Variants in GON4L observed in about 807,000 individuals in gnomAD.
The protein encoded by GON4L is gon-4 like, also known as GON-4-like protein.
Under a neutral mutation model 211.8 loss-of-function variants are expected in GON4L, and 87 were observed. The observed-to-expected ratio is 0.41, with a 90% CI of 0.35 to 0.49. GON4L has a LOEUF of 0.49. Among genes scored for constraint, GON4L ranks in the 20% least tolerant of loss-of-function variants. The pLI is 0.15. For missense variants in GON4L, 2,155 were observed against 2,659.5 expected, an observed-to-expected ratio of 0.81 and a Z score of 4.17; for synonymous variants, 875 against 962.6, an observed-to-expected ratio of 0.91 and a Z score of 1.68.
At chr1:155,775,914 A>G (rs889821824) in intron 16 of GON4L, among the ~76,000 whole-genome samples, 2 of 152,062 alleles carry the variant, frequency 1.3e-5, no homozygotes, top group African/African-American at 4.8e-5. Context: ...CCTCCCAAGT[A>G]GCTGAGACTA....
At chr1:155,831,691 A>G (rs887525841) in intron 2 of GON4L, 2 of 150,692 alleles carry the variant, frequency 1.3e-5, no homozygotes, top group Admixed American at 1.3e-4. Flanking sequence ...TGTCTGCAAA[A>G]AGTCAAAAAA....
chr1:155,768,776 C>T (rs1662845788), intron 19 of GON4L, among the ~76,000 whole-genome samples: 1 of 152,080 alleles, frequency 6.6e-6, no homozygotes, highest in Non-Finnish European at 1.5e-5. Flanking sequence ...ACCTGTTTCT[C>T]CCAACCTCTG....
chr1:155,814,347 TCTC>T lies in GON4L; in HGVS notation c.1261_1263del (p.Glu421del), dbSNP rs1668046126. The T allele has an allele frequency of 6.2e-7, 1 of 1,613,360 alleles. No homozygotes were observed. The highest frequency in any genetic ancestry group is 8.5e-7 in the Non-Finnish European group (1 of 1,179,530). ...CGATTTACCTCTGATAATATGCCAC[TCTC>T]CTCATCTGTTTCAGTCATCTCAGAA... On this transcript the variant is annotated inframe_deletion, in exon 9 of 32. Coordinates refer to ENST00000368331, the MANE Select transcript of GON4L (RefSeq NM_001282860.2).
intron 12 of GON4L, among the ~76,000 whole-genome samples, chr1:155,794,435 C>T (rs1043971034): frequency 6.6e-6 from 1 of 152,114 alleles, no homozygotes; most frequent in Non-Finnish European, 1.5e-5. Flanking sequence ...TCTTATCTAC[C>T]ACTTCTCTGT....
At chr1:155,841,725 G>C (rs1670788268) in intron 2 of GON4L, among the ~76,000 whole-genome samples, 2 of 152,300 alleles carry the variant, frequency 1.3e-5, no homozygotes, top group South Asian at 4.1e-4. Context: ...TAAAAGCTTG[G>C]CCAGCAATAT....
chr1:155,754,702 G>A (rs1053833048), intron 27 of GON4L, among the ~76,000 whole-genome samples: 2 of 151,276 alleles, frequency 1.3e-5, no homozygotes, highest in East Asian at 1.9e-4. Context: ...GCTAATTTTT[G>A]TATTTTTAGT....
chr1:155,802,287 T>C (rs1214258760), intron 11 of GON4L, among the ~76,000 whole-genome samples: 1 of 140,400 alleles, frequency 7.1e-6, no homozygotes, highest in Non-Finnish European at 1.6e-5. Context: ...AAAAATTTCA[T>C]GTATGTAGAT....
In GON4L at chr1:155,763,567, G is replaced by A. The variant is rs72706143; in HGVS notation, c.4474-3C>T. On this transcript the variant is annotated splice_region_variant and splice_polypyrimidine_tract_variant and intron_variant, in intron 21 of 31. Transcript: ENST00000368331. ...CAAGTCAGTTTCTCCATTGTTTCCT[G>A]TAAAACCCTCCAAAGAGTACTTATA... is the stretch of plus-strand genomic sequence containing the variant. 1,861 of 1,541,238 alleles carry A rather than the reference G, an allele frequency of 1.2e-3. 3 individuals are homozygous for A. Among genetic ancestry groups the A allele is most frequent in the Non-Finnish European group, 1.5e-3 (1,726 of 1,144,814 alleles).
intron 2 of GON4L, among the ~76,000 whole-genome samples, chr1:155,829,032 A>G (rs1669493031): frequency 6.6e-6 from 1 of 152,064 alleles, no homozygotes; most frequent in Non-Finnish European, 1.5e-5. Context: ...TACTTAGTTG[A>G]ACATTTTCTT....
chr1:155,810,564 C>T (rs1024777913), intron 10 of GON4L, among the ~76,000 whole-genome samples: 1 of 151,584 alleles, frequency 6.6e-6, no homozygotes, highest in South Asian at 2.1e-4. Flanking sequence ...AAAAATTAGC[C>T]GGGCATGGTG....
chr1:155,850,737 G>GA (rs1671692912), intron 2 of GON4L, among the ~76,000 whole-genome samples: 1 of 152,028 alleles, frequency 6.6e-6, no homozygotes, highest in Non-Finnish European at 1.5e-5. Flanking sequence ...CGGCAAAAAA[G>GA]AAAACATCTT....
chr1:155,791,021 G>A (rs534251318), intron 12 of GON4L, among the ~76,000 whole-genome samples: 3 of 151,634 alleles, frequency 2.0e-5, no homozygotes, highest in East Asian at 1.9e-4. Flanking sequence ...CAGCACTTTG[G>A]GAGGCTGAGG....
At chr1:155,792,802 G>A (rs1259662155) in intron 12 of GON4L, among the ~76,000 whole-genome samples, 1 of 152,098 alleles carries the variant, frequency 6.6e-6, no homozygotes, top group Non-Finnish European at 1.5e-5. Flanking sequence ...TCTGACCCAG[G>A]CTGGAGTACA....
chr1:155,827,453 C>T (rs1669316728), intron 2 of GON4L, among the ~76,000 whole-genome samples: 1 of 152,094 alleles, frequency 6.6e-6, no homozygotes. Context: ...TTCTACAGTT[C>T]ATTAGACAAC....
intron 11 of GON4L, among the ~76,000 whole-genome samples, chr1:155,799,985 G>C (rs1240273092): frequency 6.6e-6 from 1 of 152,212 alleles, no homozygotes; most frequent in Non-Finnish European, 1.5e-5. Context: ...CGGATCACCT[G>C]AGGTTGGAAG....
chr1:155,803,445 C>T (rs1468795161), intron 11 of GON4L, among the ~76,000 whole-genome samples: 1 of 151,978 alleles, frequency 6.6e-6, no homozygotes, highest in Non-Finnish European at 1.5e-5. Flanking sequence ...GGGTTTCACC[C>T]TGTTGGCCAG....
chr1:155,770,246 T>C (rs1165095781), intron 19 of GON4L, among the ~76,000 whole-genome samples: 1 of 151,966 alleles, frequency 6.6e-6, no homozygotes, highest in Admixed American at 6.6e-5. Flanking sequence ...AACAAAAGGC[T>C]GGGCATAGTG....
chr1:155,757,137 GCCTT>G (rs1557824205), intron 26 of GON4L, 39 bp downstream of exon 26: 6 of 1,613,788 alleles, frequency 3.7e-6, no homozygotes, highest in Non-Finnish European at 5.1e-6. Context: ...CCCACGTGTG[GCCTT>G]CCCCCTTCAT....
intron 12 of GON4L, among the ~76,000 whole-genome samples, chr1:155,787,779 T>C (rs924668682): frequency 6.7e-6 from 1 of 149,646 alleles, no homozygotes; most frequent in Non-Finnish European, 1.5e-5. Context: ...ATCTCAAAAA[T>C]AAATAAATAA....
Sources: allele counts gnomAD v4.1 joint callset (sites outside exome capture counted in the v4.1 genomes callset), GRCh38; gene constraint gnomAD v4.1.1; transcripts MANE v1.5; gene names NCBI Gene and HGNC (gene_info 2026-07-23, HGNC 2026-07-21).